The following ALG12 variants were observed in gnomAD, a reference collection of about 807,000 sequenced individuals.
ALG12 encodes dol-P-Man:Man(7)GlcNAc(2)-PP-Dol alpha-1,6-mannosyltransferase.
ALG12 carries 36 observed loss-of-function variants against 46.0 expected under a neutral mutation model. The ratio of observed to expected loss-of-function variants is 0.78; its 90% CI spans 0.60 to 1.03. The LOEUF (loss-of-function observed/expected upper bound fraction) is 1.03, where lower values mean the gene tolerates loss of function less well. Among genes scored for constraint, ALG12 ranks in the 50% least tolerant of loss-of-function variants. The pLI is 0.00. For synonymous variants in ALG12, 326 were observed against 291.6 expected, an observed-to-expected ratio of 1.12 and a Z score of -1.20; for missense variants, 599 against 633.5, an observed-to-expected ratio of 0.95 and a Z score of 0.58.
In ALG12 at chr22:49,905,016, G is replaced by A. The variant is rs556959454; in HGVS notation, c.993-510C>T. ...GCCTCCCAAAGTGCTGAGATTACAG[G>A]CATGAGCCACTGCGCCCAGCCTAAA... On this transcript the variant is annotated intron_variant, in intron 7 of 9. Coordinates refer to ENST00000330817, the MANE Select transcript of ALG12 (RefSeq NM_024105.4). This position sits in a 1 kb window ranked among gnomAD's most constrained non-coding sequence, Gnocchi z 4.9. 6.6e-6 allele frequency among the ~76,000 whole-genome samples: 1 copy of A among 152,248 alleles called. No individual in the cohort carries two copies. Among genetic ancestry groups the A allele is most frequent in the South Asian group, 2.1e-4 (1 of 4,822 alleles).
the ALG12 span, among the ~76,000 whole-genome samples, chr22:49,882,360 T>C: frequency 6.6e-6 from 1 of 152,372 alleles, no homozygotes; most frequent in South Asian, 2.1e-4. Context: ...GAGGCTTCAC[T>C]GAGCTGTGGT....
At chr22:49,876,618 T>C in the ALG12 span, among the ~76,000 whole-genome samples, 2 of 152,230 alleles carry the variant, frequency 1.3e-5, no homozygotes, top group African/African-American at 4.8e-5. Flanking sequence ...TATACCTTTT[T>C]TCATCCATTT....
At chr22:49,893,669 G>C in the ALG12 span, among the ~76,000 whole-genome samples, 4 of 152,212 alleles carry the variant, frequency 2.6e-5, no homozygotes, top group African/African-American at 4.8e-5. Context: ...AATTCTCCAG[G>C]TGGACACTTG....
the ALG12 span, chr22:49,886,827 G>A: frequency 7.2e-5 from 116 of 1,613,866 alleles, no homozygotes; most frequent in Non-Finnish European, 9.1e-5. This position sits in a 1 kb window ranked among gnomAD's most constrained non-coding sequence, Gnocchi z 7.7. Flanking sequence ...GCTCCCCGTC[G>A]AAAGACTCTG....
At chr22:49,889,532 ACAGT>A in the ALG12 span, 1 of 167,164 alleles carries the variant, frequency 6.0e-6, no homozygotes, top group African/African-American at 2.4e-5. Context: ...GTTCTGAGTA[ACAGT>A]CAGTGTATAA....
chr22:49,878,989 A>C, the ALG12 span, among the ~76,000 whole-genome samples: 1 of 151,386 alleles, frequency 6.6e-6, no homozygotes, highest in Non-Finnish European at 1.5e-5. Context: ...CTAAAAATAC[A>C]AAAAAATTAG....
chr22:49,877,128 T>C, the ALG12 span, among the ~76,000 whole-genome samples: 8 of 152,174 alleles, frequency 5.3e-5, no homozygotes, highest in Admixed American at 5.2e-4. Flanking sequence ...CAATTTTTTT[T>C]CCTAAACGAG....
the ALG12 span, chr22:49,883,832 A>T: frequency 6.2e-7 from 1 of 1,611,710 alleles, no homozygotes. Flanking sequence ...AGCGGTGGGG[A>T]GCGAGCGGGC....
the ALG12 span, chr22:49,887,314 C>G: frequency 2.2e-6 from 2 of 930,074 alleles, no homozygotes; most frequent in South Asian, 1.8e-5. Context: ...TCCAGCTCAC[C>G]ACAGTGTCTC....
the ALG12 span, chr22:49,883,874 C>T: frequency 2.0e-4 from 319 of 1,605,866 alleles, no homozygotes; most frequent in Admixed American, 5.2e-4. Context: ...TGCAAGCCCC[C>T]GGGGAAGTAC....
the ALG12 span, among the ~76,000 whole-genome samples, chr22:49,879,074 G>A: frequency 6.6e-6 from 1 of 151,104 alleles, no homozygotes; most frequent in Non-Finnish European, 1.5e-5. Context: ...GAACTGGGGA[G>A]GTGGAGGTTG....
chr22:49,910,399 C>T (rs1429991485), intron 4 of ALG12, 35 bp downstream of exon 4: 2 of 1,608,250 alleles, frequency 1.2e-6, no homozygotes, highest in Admixed American at 3.4e-5. Context: ...CTGCCCGGCA[C>T]CATGGGTGTG....
At chr22:49,915,360 C>T (rs1263952980) in intron 1 of ALG12, among the ~76,000 whole-genome samples, 2 of 152,074 alleles carry the variant, frequency 1.3e-5, no homozygotes, top group African/African-American at 4.8e-5. Flanking sequence ...AGATCAAGAC[C>T]ATCCTGGCCA....
downstream of ALG12, among the ~76,000 whole-genome samples, chr22:49,895,654 A>T (rs2060480793): frequency 7.1e-6 from 1 of 141,400 alleles, no homozygotes; most frequent in African/African-American, 3.0e-5. Context: ...TCCATCTCAA[A>T]AATAAAAAAA....
chr22:49,913,120 G>T (rs978162455), intron 3 of ALG12, among the ~76,000 whole-genome samples: 4 of 152,232 alleles, frequency 2.6e-5, no homozygotes, highest in African/African-American at 9.6e-5. Context: ...CAGGTGGCGA[G>T]AGCTGCCTCA....
chr22:49,869,903 T>G, the ALG12 span, among the ~76,000 whole-genome samples: 9 of 152,220 alleles, frequency 5.9e-5, no homozygotes, highest in Non-Finnish European at 1.3e-4. Flanking sequence ...ATAAGAATGA[T>G]CGTCGCCCAG....
At position 49,913,384 on chromosome 22, in the gene ALG12, C is replaced by T. The variant is rs376314741; in HGVS notation, c.295+1G>A. On this transcript the variant is annotated splice_donor_variant, in intron 3 of 9. Coordinates refer to ENST00000330817, the MANE Select transcript of ALG12 (RefSeq NM_024105.4). LOFTEE classifies it high-confidence loss of function. ...TCCTCCTTTGTTGAAGACCCCCTTA[C>T]CTATTAGCTGAGAGTAAAACTTGGA... is the stretch of plus-strand genomic sequence containing the variant. 9.1e-5 allele frequency: 147 copies of T among 1,613,734 alleles called. No homozygotes were observed. The highest frequency in any genetic ancestry group is 1.2e-4 in the Non-Finnish European group (145 of 1,180,038).
chr22:49,876,363 T>C, the ALG12 span, among the ~76,000 whole-genome samples: 1 of 152,222 alleles, frequency 6.6e-6, no homozygotes, highest in Admixed American at 6.5e-5. Context: ...ACTTATTGAA[T>C]AGTTCTGTGG....
the ALG12 span, among the ~76,000 whole-genome samples, chr22:49,878,254 A>G: frequency 6.7e-6 from 1 of 148,970 alleles, no homozygotes; most frequent in African/African-American, 2.4e-5. Flanking sequence ...ACAGTGAGCC[A>G]ACGCACCACT....
Sources: gnomAD v4.1 joint callset for allele counts (sites outside exome capture counted in the v4.1 genomes callset) on GRCh38, gnomAD v4.1.1 for gene constraint, Gnocchi (gnomAD v3.1) non-coding constraint, MANE v1.5 for transcripts, NCBI Gene and HGNC (gene_info 2026-07-23, HGNC 2026-07-21) for gene names.